ADAMTSL2: variants seen among roughly 807,000 people sequenced by gnomAD.
ADAMTSL2 encodes ADAMTS-like protein 2.
A neutral mutation model predicts 117.0 loss-of-function variants in ADAMTSL2; 55 were observed. The ratio of observed to expected loss-of-function variants is 0.47; its 90% confidence interval spans 0.38 to 0.59. The LOEUF (loss-of-function observed/expected upper bound fraction) is 0.59. Ranked by LOEUF, ADAMTSL2 falls within the 20% of genes least tolerant of loss-of-function variation. The probability of loss-of-function intolerance (pLI) is 0.00; values close to 1 mark genes in which losing one functional copy is unlikely to be tolerated. For missense variants in ADAMTSL2, 1,182 were observed against 1,354.5 expected (o/e 0.87, Z 2.00); for synonymous variants, 572 against 566.4 (o/e 1.01, Z -0.14).
intron 4 of ADAMTSL2, 73 bp downstream of exon 4, chr9:133,538,497 AGGT>A: frequency 6.4e-7 from 1 of 1,557,802 alleles, no homozygotes; most frequent in Non-Finnish European, 8.8e-7. Flanking sequence ...GGGGTCTTCC[AGGT>A]GGCTCCTGGG....
At chr9:133,541,097 G>T in intron 7 of ADAMTSL2, 96 bp downstream of exon 7, 1 of 1,528,438 alleles carries the variant, frequency 6.5e-7, no homozygotes. Flanking sequence ...TGTACCACTG[G>T]GCAAGTTCTT....
chr9:133,546,937 G>A, intron 8 of ADAMTSL2, 101 bp from the exon 9 acceptor site: 1 of 1,230,574 alleles, frequency 8.1e-7, no homozygotes, highest in Non-Finnish European at 1.2e-6. Context: ...TTTGAGCCGG[G>A]GTTCTGGAGG....
chr9:133,574,678 T>C (rs1831186637), intron 18 of ADAMTSL2, 68 bp from the exon 19 acceptor site: 1 of 1,373,622 alleles, frequency 7.3e-7, no homozygotes, highest in Admixed American at 1.7e-5. Context: ...CACGTGGGGG[T>C]CCCTGGGGTT....
chr9:133,574,119 T>C (rs1208484034), intron 18 of ADAMTSL2, 132 bp downstream of exon 18: 2 of 1,260,146 alleles, frequency 1.6e-6, no homozygotes, highest in African/African-American at 3.0e-5. Context: ...GAGACCAAGC[T>C]GTGCAGGGAG....
intron 12 of ADAMTSL2, among the ~76,000 whole-genome samples, chr9:133,563,203 G>A (rs1218178760): frequency 3.9e-5 from 6 of 152,232 alleles, no homozygotes; most frequent in Admixed American, 3.9e-4. Flanking sequence ...GGATGCTGCC[G>A]TTCTGAGGGT....
In ADAMTSL2 at chr9:133,567,117, T is replaced by C. The variant is rs1489142439; in HGVS notation, c.1874+55T>C. The C allele has an allele frequency of 1.9e-6, 3 of 1,566,032 alleles. No homozygotes were observed. In the African/African-American group the frequency reaches 4.0e-5, roughly 21 times the overall value. On this transcript the variant is annotated intron_variant, in intron 13 of 18. Coordinates refer to ENST00000651351, the MANE Select transcript of ADAMTSL2 (RefSeq NM_014694.4). Reference sequence around the variant, plus strand: ...GGTCGGCAGGGGGCGTGAGGGGCTCTGCCCAAAGGAGCAGTCAGACTTACC... The same window carrying C: ...GGTCGGCAGGGGGCGTGAGGGGCTCCGCCCAAAGGAGCAGTCAGACTTACC...
chr9:133,546,902 A>G (rs1485760086), intron 8 of ADAMTSL2, 136 bp from the exon 9 acceptor site: 2 of 899,910 alleles, frequency 2.2e-6, no homozygotes, highest in African/African-American at 1.6e-5. Context: ...ACTCTCCATG[A>G]TGGGAGTTTC....
chr9:133,546,792 G>A (rs1471480726), intron 8 of ADAMTSL2, among the ~76,000 whole-genome samples: 3 of 152,178 alleles, frequency 2.0e-5, no homozygotes, highest in Non-Finnish European at 4.4e-5. Context: ...GACCAAATGG[G>A]TCCCCAGCCA....
rs910042445 is a variant in ADAMTSL2 at position 133,567,196 on chromosome 9, G to A, written c.1874+134G>A. The A allele has an allele frequency of 5.0e-5, 59 of 1,183,808 alleles. No individual in the cohort carries two copies. In the Middle Eastern group the frequency reaches 8.2e-4, roughly 16 times the overall value. 73.3% of individuals were successfully genotyped at this position (1,183,808 alleles called of 1,614,324 possible). A position where few individuals can be genotyped will look rare whatever the true frequency, so the allele number is the denominator to read the frequency against. On this transcript the variant is annotated intron_variant, in intron 13 of 18. Coordinates refer to ENST00000651351, the MANE Select transcript of ADAMTSL2 (RefSeq NM_014694.4). Reference sequence around the variant, plus strand: ...AGGGCCGTGGGGGCTCTTCGAGGAGGGGCATACAGACCTCACCCCTCAGAG... The same window carrying A: ...AGGGCCGTGGGGGCTCTTCGAGGAGAGGCATACAGACCTCACCCCTCAGAG...
intron 9 of ADAMTSL2, among the ~76,000 whole-genome samples, chr9:133,548,775 G>A (rs1373512299): frequency 6.6e-6 from 1 of 152,164 alleles, no homozygotes; most frequent in African/African-American, 2.4e-5. Context: ...GCTGTGAACT[G>A]TTGCGCACCC....
At chr9:133,543,367 G>T (rs1002399719) in intron 7 of ADAMTSL2, among the ~76,000 whole-genome samples, 6 of 152,224 alleles carry the variant, frequency 3.9e-5, no homozygotes, top group African/African-American at 1.2e-4. Flanking sequence ...GAAACCCAAA[G>T]AAGGGGAAAA....
intron 9 of ADAMTSL2, among the ~76,000 whole-genome samples, chr9:133,548,481 T>C (rs1314545399): frequency 1.3e-5 from 2 of 151,164 alleles, no homozygotes; most frequent in Non-Finnish European, 2.9e-5. Flanking sequence ...CCCCAGAAAA[T>C]AGACTCTGAG....
intron 13 of ADAMTSL2, 46 bp from the exon 14 acceptor site, chr9:133,568,227 G>C (rs1831020757): frequency 2.6e-6 from 4 of 1,534,796 alleles, no homozygotes; most frequent in Non-Finnish European, 3.5e-6. Flanking sequence ...ATGGGGTCCC[G>C]GCTGCCATGG....
intron 7 of ADAMTSL2, among the ~76,000 whole-genome samples, chr9:133,542,224 G>A (rs1012352926): frequency 6.6e-6 from 1 of 152,238 alleles, no homozygotes; most frequent in Non-Finnish European, 1.5e-5. Context: ...ATGGGACCTA[G>A]GGACGGGCGT....
chr9:133,553,394 C>T (rs1023035482), intron 9 of ADAMTSL2, among the ~76,000 whole-genome samples: 3 of 152,156 alleles, frequency 2.0e-5, no homozygotes, highest in South Asian at 4.1e-4. Flanking sequence ...TCTTTCTCTG[C>T]GGCTGCGCAG....
chr9:133,534,846 C>CAA lies in ADAMTSL2; in HGVS notation c.-221_-220insAA. ...TCACGCCGCCCCCGCACGCACAGCG[C>CAA]ACCTGGCGCCGTCTGCCCTCCGCAG... On this transcript the variant is annotated 5_prime_UTR_variant, in exon 1 of 19. The change creates a premature stop within an existing upstream ORF in the 5' untranslated region. Coordinates refer to ENST00000651351, the MANE Select transcript of ADAMTSL2 (RefSeq NM_014694.4). 1 of 1,498,026 alleles carries CAA rather than the reference C, an allele frequency of 6.7e-7. No homozygotes were observed. The highest frequency in any genetic ancestry group is 8.9e-7 in the Non-Finnish European group (1 of 1,119,314). 92.8% of individuals were successfully genotyped at this position (1,498,026 alleles called of 1,614,324 possible).
chr9:133,534,802 C>CG lies in ADAMTSL2; in HGVS notation c.-263dup, dbSNP rs1162441387. On this transcript the variant is annotated 5_prime_UTR_variant, in exon 1 of 19. An upstream open reading frame in the 5' UTR gains an earlier in-frame stop. Transcript: ENST00000651351. ...GAGGAGGGGAAGGGGAGAGGGAGGC[C>CG]GGGCCGCAGCCTCTGCACTCACGCC... 2 of 1,485,188 alleles carry CG rather than the reference C, an allele frequency of 1.3e-6. No individual in the cohort carries two copies. Among genetic ancestry groups the CG allele is most frequent in the Non-Finnish European group, 1.8e-6 (2 of 1,112,500 alleles). 92.0% of individuals were successfully genotyped at this position (1,485,188 alleles called of 1,614,324 possible).
chr9:133,558,458 G>A lies in ADAMTSL2; in HGVS notation c.1649+2528G>A, dbSNP rs1487196357. On this transcript the variant is annotated intron_variant, in intron 11 of 18. Transcript: ENST00000651351. This position sits in a 1 kb window ranked among gnomAD's most constrained non-coding sequence, Gnocchi z 4.3. ...AAAGCTTCAAACAATCAAGGGAGGGGCCCCTGTCACCAGACTCCGACTTTG... is the reference window on the plus strand; with the variant it reads ...AAAGCTTCAAACAATCAAGGGAGGGACCCCTGTCACCAGACTCCGACTTTG... Among the ~76,000 whole-genome samples, 1 of 152,160 alleles carries A rather than the reference G, an allele frequency of 6.6e-6. No individual in the cohort carries two copies. The highest frequency in any genetic ancestry group is 1.5e-5 in the Non-Finnish European group (1 of 68,024).
chr9:133,533,953 A>G (rs9696672), upstream of ADAMTSL2, among the ~76,000 whole-genome samples: 52,309 of 152,022 alleles, frequency 0.34, 9,409 homozygotes, highest in South Asian at 0.47. Context: ...GCCCGCCGGG[A>G]GTTTCCCAGG....
Sources: gnomAD v4.1 joint callset for allele counts (sites outside exome capture counted in the v4.1 genomes callset) on GRCh38, gnomAD v4.1.1 for gene constraint, Gnocchi (gnomAD v3.1) non-coding constraint, MANE v1.5 for transcripts, NCBI Gene and HGNC (gene_info 2026-07-23, HGNC 2026-07-21) for gene names.